SGK2: variants seen among roughly 807,000 people sequenced by gnomAD.
SGK2 encodes serine/threonine-protein kinase Sgk2.
Under a neutral mutation model 47.5 loss-of-function variants are expected in SGK2, and 36 were observed. The ratio of observed to expected loss-of-function variants is 0.76; its 90% CI spans 0.58 to 1.00. SGK2 has a LOEUF of 1.00. Ranked by LOEUF, SGK2 falls within the 50% of genes least tolerant of loss-of-function variation. SGK2 has a pLI of 0.00. For synonymous variants in SGK2, 157 were observed against 181.9 expected (o/e 0.86, Z 1.10); for missense variants, 404 against 467.4 (o/e 0.86, Z 1.25).
At chr20:43,579,011 C>CTTTTT (rs10523244) in intron 11 of SGK2, among the ~76,000 whole-genome samples, 2 of 143,814 alleles carry the variant, frequency 1.4e-5, no homozygotes, top group East Asian at 2.0e-4. Flanking sequence ...CTTTCGGAGG[C>CTTTTT]TTTTTTTTTT....
rs781230036 is a variant in SGK2, at chr20:43,567,660, C to G, written c.87-5C>G. 2.8e-5 allele frequency: 45 copies of G among 1,613,936 alleles called. No individual in the cohort carries two copies. Among genetic ancestry groups the G allele is most frequent in the Non-Finnish European group, 3.6e-5 (43 of 1,179,944 alleles). On this transcript the variant is annotated splice_polypyrimidine_tract_variant and splice_region_variant and intron_variant, in intron 3 of 12. Coordinates refer to ENST00000373100, the MANE Select transcript of SGK2 (RefSeq NM_170693.3). ...GCTGATCCGTGTTTTTCCCTCTTCCCCCAGTGCCCAGCCCACGGACTTCGA... is the reference window on the plus strand; with the variant it reads ...GCTGATCCGTGTTTTTCCCTCTTCCGCCAGTGCCCAGCCCACGGACTTCGA...
At chr20:43,569,954 T>C (rs1373425510) in intron 6 of SGK2, among the ~76,000 whole-genome samples, 3 of 152,330 alleles carry the variant, frequency 2.0e-5, no homozygotes, top group Middle Eastern at 3.4e-3. Context: ...AGCTCCCTCC[T>C]GGGCTTCACT....
chr20:43,560,093 G>A (rs1357024702), intron 1 of SGK2, among the ~76,000 whole-genome samples: 1 of 152,124 alleles, frequency 6.6e-6, no homozygotes, highest in Non-Finnish European at 1.5e-5. Flanking sequence ...AGGTGATGGG[G>A]GAGGGTGTGA....
chr20:43,566,187 C>G, intron 1 of SGK2: 1 of 697,710 alleles, frequency 1.4e-6, no homozygotes, highest in East Asian at 2.6e-5. Flanking sequence ...GGTCTTGTTG[C>G]CCTGGGTGTC....
rs896669727 is a variant in SGK2, at chr20:43,566,400, C to G, written c.-23-73C>G. ...GGGAGGATGGAGAGGGCAGTGGTGC[C>G]TGAAGCCCTGGATGGGCGGAGCTGA... On this transcript the variant is annotated intron_variant, in intron 1 of 12. Transcript: ENST00000373100. 3 of 1,614,050 alleles carry G rather than the reference C, an allele frequency of 1.9e-6. No homozygotes were observed. The African/African-American group carries it at 4.0e-5, about 22-fold the overall frequency.
intron 11 of SGK2, among the ~76,000 whole-genome samples, chr20:43,576,747 C>G (rs565477038): frequency 6.6e-6 from 1 of 152,338 alleles, no homozygotes; most frequent in Admixed American, 6.5e-5. Flanking sequence ...CGAGACCAGC[C>G]TGGCCAACAT....
At chr20:43,568,916 G>T (rs1267252939) in intron 5 of SGK2, among the ~76,000 whole-genome samples, 3 of 152,198 alleles carry the variant, frequency 2.0e-5, no homozygotes, top group Admixed American at 2.0e-4. Context: ...CAAGGTCTCC[G>T]TGGGGGGTGG....
At chr20:43,559,301 C>T (rs1271261777) in intron 1 of SGK2, 142 bp downstream of exon 1, 1 of 151,592 alleles carries the variant, frequency 6.6e-6, no homozygotes, top group African/African-American at 2.4e-5. Context: ...TTCCCTTCTC[C>T]CTCCTTCCTT....
At chr20:43,579,852 A>T in intron 11 of SGK2, 120 bp from the exon 12 acceptor site, 1 of 741,296 alleles carries the variant, frequency 1.3e-6, no homozygotes, top group Non-Finnish European at 2.5e-6. Context: ...CCAGAACTGC[A>T]AGTTAATTTC....
At chr20:43,559,244 T>C (rs1979253381) in intron 1 of SGK2, 85 bp downstream of exon 1, 1 of 152,320 alleles carries the variant, frequency 6.6e-6, no homozygotes, top group East Asian at 1.9e-4. Context: ...ACATCTTTCC[T>C]AGTACCTGTT....
intron 5 of SGK2, among the ~76,000 whole-genome samples, chr20:43,569,054 T>C (rs1979926115): frequency 6.6e-6 from 1 of 152,096 alleles, no homozygotes; most frequent in Non-Finnish European, 1.5e-5. Flanking sequence ...ATATGGATAG[T>C]GTGTGGCTTC....
intron 12 of SGK2, chr20:43,583,436 A>C: frequency 8.4e-7 from 1 of 1,190,554 alleles, no homozygotes; most frequent in South Asian, 1.6e-5. Flanking sequence ...CAGGATGCAC[A>C]TTCTGATCTT....
intron 12 of SGK2, 125 bp downstream of exon 12, chr20:43,580,186 T>C (rs1980705022): frequency 4.9e-6 from 3 of 608,280 alleles, no homozygotes; most frequent in Non-Finnish European, 8.7e-6. Flanking sequence ...TGTCCTAGGC[T>C]ACACAGTCAG....
At chr20:43,567,578 A>G in intron 3 of SGK2, 87 bp from the exon 4 acceptor site, 1 of 1,242,374 alleles carries the variant, frequency 8.0e-7, no homozygotes, top group East Asian at 2.3e-5. Flanking sequence ...CCCCATTCTA[A>G]AGTTAAAAAG....
Position 43,585,098 on chromosome 20 carries a change from C to A in SGK2, c.*82C>A. ...CAGCTGCTAGGAAGAGCGACTCAAA[C>A]TAACAATGGCTTCAACGAGAAGCAG... On this transcript the variant is annotated 3_prime_UTR_variant, in exon 13 of 13. Transcript: ENST00000373100. The A allele has an allele frequency of 2.3e-6, 3 of 1,297,080 alleles. No individual in the cohort carries two copies. The highest frequency in any genetic ancestry group is 2.1e-6 in the Non-Finnish European group (2 of 933,424). 80.3% of individuals were successfully genotyped at this position (1,297,080 alleles called of 1,614,324 possible).
intron 6 of SGK2, 39 bp from the exon 7 acceptor site, chr20:43,570,578 C>A: frequency 2.1e-6 from 3 of 1,416,186 alleles, no homozygotes; most frequent in South Asian, 1.3e-5. Context: ...CCTACAGCAG[C>A]CACCCAATAA....
Position 43,572,060 on chromosome 20 carries a change from G to A in SGK2, c.520G>A (p.Val174Met), listed in dbSNP as rs368717593. Residue 174 changes from valine to methionine, a missense_variant, in exon 9 of 13, where the codon GTG (valine) becomes ATG (methionine). Coordinates refer to ENST00000373100, the MANE Select transcript of SGK2 (RefSeq NM_170693.3). The surrounding 1 kb of genome is among the most constrained non-coding windows in gnomAD (Gnocchi z 4.2). ...NILLDCQGHV[V>M]LTDFGLCKEG... ...CCTCCGTCATTCTCAGGGACACGTG[G>A]TGCTGACGGATTTTGGCCTCTGCAA... 6.5e-7 allele frequency: 1 copy of A among 1,548,876 alleles called. No homozygotes were observed. The highest frequency in any genetic ancestry group is 8.7e-7 in the Non-Finnish European group (1 of 1,145,978).
chr20:43,583,958 T>A (rs1980951053), intron 12 of SGK2, among the ~76,000 whole-genome samples: 1 of 152,120 alleles, frequency 6.6e-6, no homozygotes, highest in Non-Finnish European at 1.5e-5. Context: ...AAAAAAGACC[T>A]TGTCTCTTAA....
intron 8 of SGK2, among the ~76,000 whole-genome samples, chr20:43,571,284 A>G (rs997883781): frequency 2.0e-5 from 3 of 152,202 alleles, no homozygotes; most frequent in African/African-American, 7.2e-5. Flanking sequence ...GCATGTACAT[A>G]GGGGGCAGGG....
Sources: gnomAD v4.1 joint callset for allele counts (sites outside exome capture counted in the v4.1 genomes callset) on GRCh38, gnomAD v4.1.1 for gene constraint, Gnocchi (gnomAD v3.1) non-coding constraint, MANE v1.5 for transcripts, NCBI Gene and HGNC (gene_info 2026-07-23, HGNC 2026-07-21) for gene names.